FAM107B: variants seen among roughly 807,000 people sequenced by gnomAD.
FAM107B encodes the protein protein FAM107B.
FAM107B carries 21 observed loss-of-function variants against 31.5 expected under a neutral mutation model. That is an observed-to-expected ratio of 0.67 (90% confidence interval 0.47 to 0.96). FAM107B has a LOEUF of 0.96. Ranked by LOEUF, FAM107B falls within the 40% of genes least tolerant of loss-of-function variation. The pLI, the probability that FAM107B is intolerant of heterozygous loss-of-function variation, is 0.00. For synonymous variants in FAM107B, 157 were observed against 141.5 expected (o/e 1.11, Z -0.78); for missense variants, 452 against 377.1 (o/e 1.20, Z -1.64).
At chr10:14,579,936 T>A (rs1490232101) in intron 2 of FAM107B, among the ~76,000 whole-genome samples, 7 of 150,546 alleles carry the variant, frequency 4.6e-5, no homozygotes, top group Non-Finnish European at 1.0e-4. Context: ...GCAGAAGAAT[T>A]GCTTGAACCC....
intron 1 of FAM107B, among the ~76,000 whole-genome samples, chr10:14,671,905 C>CAAAAAAAT (rs1564621080): frequency 1.5e-5 from 2 of 137,714 alleles, no homozygotes; most frequent in African/African-American, 5.8e-5. Flanking sequence ...AAAAAAAAAC[C>CAAAAAAAT]CTCTATTTCT....
chr10:14,774,317 G>C lies in FAM107B; in HGVS notation c.347C>G (p.Ala116Gly). The C allele has an allele frequency of 1.2e-6, 2 of 1,614,168 alleles. No individual in the cohort carries two copies. Among genetic ancestry groups the C allele is most frequent in the Non-Finnish European group, 1.7e-6 (2 of 1,180,018 alleles). Reference protein sequence around the residue: ...EDVPGSLDDGADCEAVVFHAS... With the variant: ...EDVPGSLDDGGDCEAVVFHAS... Reference sequence around the variant, plus strand: ...GTGAAACACCACTGCTTCACAGTCCGCCCCATCATCCAGGGACCCGGGCAC... The same window carrying C: ...GTGAAACACCACTGCTTCACAGTCCCCCCCATCATCCAGGGACCCGGGCAC... Residue 116 changes from alanine to glycine, a missense_variant, in exon 1 of 5, where the codon GCG becomes GGG. By Grantham distance (60) the Ala-to-Gly change is moderately conservative. Transcript: ENST00000181796.
chr10:14,713,450 C>A (rs1855708521), intron 1 of FAM107B, among the ~76,000 whole-genome samples: 1 of 152,120 alleles, frequency 6.6e-6, no homozygotes, highest in Non-Finnish European at 1.5e-5. Context: ...AGTCTTTGAG[C>A]AGGAAGAACT....
intron 1 of FAM107B, among the ~76,000 whole-genome samples, chr10:14,767,043 TATATATATATATAGAG>T (rs1192806698): frequency 3.6e-3 from 138 of 37,918 alleles, no homozygotes; most frequent in African/African-American, 9.9e-3. Context: ...TATATATATA[TATATATATATATAGAG>T]AGAGAGAGAG....
chr10:14,734,013 A>T (rs1408386345), intron 1 of FAM107B, among the ~76,000 whole-genome samples: 3 of 152,238 alleles, frequency 2.0e-5, no homozygotes, highest in Admixed American at 2.0e-4. Context: ...GAGCCACTGA[A>T]TTAATACATG....
At position 14,554,095 on chromosome 10, in the gene FAM107B, T is replaced by C. The variant is rs573206462; in HGVS notation, c.470-23580A>G. 1.3e-5 allele frequency: 13 copies of C among 985,270 alleles called. No homozygotes were observed. The South Asian group carries it at 4.7e-4, about 36-fold the overall frequency. 61.0% of individuals were successfully genotyped at this position (985,270 alleles called of 1,614,324 possible). A position where few individuals can be genotyped will look rare whatever the true frequency, so the allele number is the denominator to read the frequency against. ...ATATATAATTAATGTATAGTAGATA[T>C]GGACTCACCTGATCACAGGCATCTC... On this transcript the variant is annotated intron_variant, in intron 2 of 4. Transcript: ENST00000181796.
chr10:14,530,226 CA>C (rs2130846077), intron 3 of FAM107B, 105 bp downstream of exon 3: 1 of 1,223,230 alleles, frequency 8.2e-7, no homozygotes, highest in South Asian at 1.6e-5. Flanking sequence ...TAACAAAGTG[CA>C]AGAAATCAAA....
rs559511043 is a variant in FAM107B at position 14,552,771 on chromosome 10, C to A, written c.470-22256G>T. Among the ~76,000 whole-genome samples the A allele has an allele frequency of 1.1e-4, 17 of 152,160 alleles. No individual in the cohort carries two copies. In the East Asian group the frequency reaches 3.3e-3, roughly 29 times the overall value. Reference sequence around the variant, plus strand: ...TTGAACCCGGGAGATGGAAGGGTTGCAGTGAGCCAAAATCTCACCACTGTA... The same window carrying A: ...TTGAACCCGGGAGATGGAAGGGTTGAAGTGAGCCAAAATCTCACCACTGTA... On this transcript the variant is annotated intron_variant, in intron 2 of 4. Coordinates refer to ENST00000181796, the MANE Select transcript of FAM107B (RefSeq NM_031453.4).
chr10:14,588,121 G>A (rs1851902593), intron 2 of FAM107B, among the ~76,000 whole-genome samples: 1 of 152,160 alleles, frequency 6.6e-6, no homozygotes, highest in Non-Finnish European at 1.5e-5. Context: ...CTTCTGAAGA[G>A]GATATAAATA....
intron 1 of FAM107B, among the ~76,000 whole-genome samples, chr10:14,692,622 C>T (rs777069863): frequency 2.0e-5 from 3 of 152,184 alleles, no homozygotes; most frequent in African/African-American, 4.8e-5. Context: ...TTAGGACTGT[C>T]GTCTCAGCAT....
chr10:14,584,048 C>T (rs1478918319), intron 2 of FAM107B, among the ~76,000 whole-genome samples: 1 of 152,204 alleles, frequency 6.6e-6, no homozygotes, highest in Admixed American at 6.5e-5. Flanking sequence ...TTCCTAGCTA[C>T]TCCGGCAGAT....
chr10:14,575,177 G>A (rs1191669918), intron 2 of FAM107B, among the ~76,000 whole-genome samples: 1 of 151,758 alleles, frequency 6.6e-6, no homozygotes, highest in African/African-American at 2.4e-5. Context: ...CCCTGTACTG[G>A]GGATCACACG....
chr10:14,667,096 C>T (rs537504230), intron 2 of FAM107B, among the ~76,000 whole-genome samples: 6 of 152,198 alleles, frequency 3.9e-5, no homozygotes, highest in Non-Finnish European at 8.8e-5. Flanking sequence ...TATTTTATGA[C>T]GATTACATCT....
intron 1 of FAM107B, among the ~76,000 whole-genome samples, chr10:14,753,415 C>T (rs1832868416): frequency 6.6e-6 from 1 of 150,928 alleles, no homozygotes; most frequent in Non-Finnish European, 1.5e-5. Context: ...CCAAGCTCTC[C>T]CTCTCTATCC....
chr10:14,682,997 G>A (rs1854876424), intron 1 of FAM107B, among the ~76,000 whole-genome samples: 1 of 152,220 alleles, frequency 6.6e-6, no homozygotes, highest in South Asian at 2.1e-4. Flanking sequence ...AGACTGCAAA[G>A]CATTGTCAGA....
chr10:14,598,449 CAGA>C (rs1400798223), intron 2 of FAM107B, among the ~76,000 whole-genome samples: 12 of 152,174 alleles, frequency 7.9e-5, no homozygotes, highest in Admixed American at 4.6e-4. Flanking sequence ...AAGCCAGGCA[CAGA>C]AGGACAAATA....
intron 2 of FAM107B, among the ~76,000 whole-genome samples, chr10:14,606,628 C>A (rs1441735997): frequency 2.0e-5 from 3 of 152,082 alleles, no homozygotes; most frequent in Non-Finnish European, 2.9e-5. Flanking sequence ...GGACCCTAAG[C>A]TCATAGGTCT....
At chr10:14,603,842 C>CGGGCGCCGCGGGGCGAG (rs1248878273) in intron 2 of FAM107B, among the ~76,000 whole-genome samples, 3 of 151,768 alleles carry the variant, frequency 2.0e-5, no homozygotes, top group East Asian at 3.9e-4. Context: ...CGGTCCACGC[C>CGGGCGCCGCGGGGCGAG]GGGCGCCGCG....
At chr10:14,759,582 T>TA (rs1833001422) in intron 1 of FAM107B, among the ~76,000 whole-genome samples, 1 of 152,216 alleles carries the variant, frequency 6.6e-6, no homozygotes, top group Non-Finnish European at 1.5e-5. Context: ...TTTGTCTTTT[T>TA]ATCTATTAAG....
Sources: gnomAD v4.1 joint callset for allele counts (sites outside exome capture counted in the v4.1 genomes callset) on GRCh38, gnomAD v4.1.1 for gene constraint, MANE v1.5 for transcripts, NCBI Gene and HGNC (gene_info 2026-07-23, HGNC 2026-07-21) for gene names.